Variants in SLMAP observed in about 807,000 individuals in gnomAD.
The protein encoded by SLMAP is sarcolemma associated protein, also known as sarcolemmal membrane-associated protein.
In SLMAP, 44 loss-of-function variants were observed where a neutral mutation model predicts 128.8. The observed-to-expected ratio is 0.34, with a 90% CI of 0.27 to 0.44. The LOEUF (loss-of-function observed/expected upper bound fraction) is 0.44, where lower values mean the gene tolerates loss of function less well. Among genes scored for constraint, SLMAP ranks in the 20% least tolerant of loss-of-function variants. The pLI is 1.00. For synonymous variants in SLMAP, 327 were observed against 348.8 expected (o/e 0.94, Z 0.70); for missense variants, 787 against 985.3 (o/e 0.80, Z 2.69).
intron 14 of SLMAP, among the ~76,000 whole-genome samples, chr3:57,874,059 G>T (rs540132557): frequency 6.6e-6 from 1 of 152,174 alleles, no homozygotes; most frequent in African/African-American, 2.4e-5. Context: ...GGAGACGGAG[G>T]TTGCAGCGAG....
At chr3:57,875,269 A>G (rs2095577134) in intron 14 of SLMAP, among the ~76,000 whole-genome samples, 1 of 152,170 alleles carries the variant, frequency 6.6e-6, no homozygotes, top group African/African-American at 2.4e-5. Context: ...CATACCTGTA[A>G]TCTCAGCACT....
At chr3:57,801,271 T>A (rs1223947456) in intron 2 of SLMAP, 1 of 152,568 alleles carries the variant, frequency 6.6e-6, no homozygotes, top group African/African-American at 2.4e-5. Flanking sequence ...GGTCCATTTT[T>A]AAATTCCATT....
Position 57,777,827 on chromosome 3 carries a change from C to T in SLMAP, c.198+19978C>T, listed in dbSNP as rs12635669. On this transcript the variant is annotated intron_variant, in intron 2 of 24. Coordinates refer to ENST00000671191, the MANE Select transcript of SLMAP (RefSeq NM_001377540.1). ...AGTGTAAACTTAAACCATGAGATGC[C>T]GTTTCTACTCAATTAAAAACTTGGA... Among the ~76,000 whole-genome samples, 235 of 152,220 alleles carry T rather than the reference C, an allele frequency of 1.5e-3. 3 individuals are homozygous for T. The East Asian group carries it at 0.044, about 28-fold the overall frequency.
At chr3:57,773,106 T>C (rs191557007) in intron 2 of SLMAP, among the ~76,000 whole-genome samples, 28 of 152,332 alleles carry the variant, frequency 1.8e-4, no homozygotes, top group Middle Eastern at 3.4e-3. Flanking sequence ...TCCCACCAAG[T>C]TGGATAATTA....
intron 2 of SLMAP, among the ~76,000 whole-genome samples, chr3:57,797,293 TGACCAACATG>T (rs1182714433): frequency 6.6e-6 from 1 of 151,770 alleles, no homozygotes. Flanking sequence ...GAGACCAGCC[TGACCAACATG>T]GAGAAACCTT....
intron 6 of SLMAP, among the ~76,000 whole-genome samples, chr3:57,852,123 G>C (rs1037865502): frequency 6.6e-6 from 1 of 151,340 alleles, no homozygotes; most frequent in African/African-American, 2.4e-5. Flanking sequence ...TGTTAGCCAG[G>C]ATGGTCTCCA....
chr3:57,874,458 TAAAAC>T (rs2095556444), intron 14 of SLMAP, among the ~76,000 whole-genome samples: 2 of 151,586 alleles, frequency 1.3e-5, no homozygotes, highest in South Asian at 2.1e-4. Context: ...CTGGCTTACT[TAAAAC>T]AAAACAACTT....
chr3:57,788,859 TAGGGAGTGTGAC>T (rs68116288), intron 2 of SLMAP, among the ~76,000 whole-genome samples: 50,462 of 151,726 alleles, frequency 0.33, 9,064 homozygotes, highest in East Asian at 0.48. Flanking sequence ...GGCAGTGAGT[TAGGGAGTGTGAC>T]AGGGAGTGTG....
chr3:57,844,971 C>G (rs2094172155), intron 4 of SLMAP, among the ~76,000 whole-genome samples: 1 of 152,072 alleles, frequency 6.6e-6, no homozygotes. Flanking sequence ...TTTAGACATT[C>G]TTAAGTTCAT....
chr3:57,891,872 C>T (rs1372452837), intron 15 of SLMAP, among the ~76,000 whole-genome samples: 9 of 151,752 alleles, frequency 5.9e-5, no homozygotes, highest in East Asian at 2.0e-4. Context: ...CCACCATGTC[C>T]GGCCTGGGTT....
intron 22 of SLMAP, 73 bp downstream of exon 22, chr3:57,917,150 A>G (rs1319725948): frequency 6.3e-7 from 1 of 1,599,318 alleles, no homozygotes; most frequent in East Asian, 2.3e-5. Flanking sequence ...TATCCATGCT[A>G]GTTAGAAATA....
chr3:57,786,216 GT>G (rs1490760691), intron 2 of SLMAP, among the ~76,000 whole-genome samples: 6 of 152,214 alleles, frequency 3.9e-5, no homozygotes, highest in Non-Finnish European at 8.8e-5. Context: ...TCTTGCTCAT[GT>G]TACATGTTTA....
In SLMAP at chr3:57,881,181, G is replaced by A. The variant is rs182046110; in HGVS notation, c.1301-8860G>A. 6.2e-3 allele frequency among the ~76,000 whole-genome samples: 948 copies of A among 151,822 alleles called. 3 individuals are homozygous for A. The highest frequency in any genetic ancestry group is 0.01 in the Middle Eastern group (3 of 294). ...TGTACTCCAGCCTGGATGACAGAGC[G>A]AGACTCCATCTCAAAAAAAAAAAGT... On this transcript the variant is annotated intron_variant, in intron 14 of 24. Transcript: ENST00000671191.
At chr3:57,906,316 T>TTTTTTTTTTTTG (rs1559512956) in intron 17 of SLMAP, among the ~76,000 whole-genome samples, 21 of 103,198 alleles carry the variant, frequency 2.0e-4, no homozygotes, top group African/African-American at 5.9e-4. Flanking sequence ...TTTTCTTTTT[T>TTTTTTTTTTTTG]TTTTTTTTTT....
rs576662385 is a variant in SLMAP, at chr3:57,848,938, A to G, written c.457-816A>G. Among the ~76,000 whole-genome samples, 6 of 151,176 alleles carry G rather than the reference A, an allele frequency of 4.0e-5. No individual in the cohort carries two copies. In the South Asian group the frequency reaches 1.3e-3, roughly 32 times the overall value. The stretch of plus-strand genomic sequence containing the variant: ...CGGTCAGGCTGGTCTTGAACTCCCA[A>G]CGTCAGGTGATCTGGCTGCCTCGGC... On this transcript the variant is annotated intron_variant, in intron 5 of 24. Coordinates refer to ENST00000671191, the MANE Select transcript of SLMAP (RefSeq NM_001377540.1).
intron 14 of SLMAP, among the ~76,000 whole-genome samples, chr3:57,877,241 A>T (rs549328952): frequency 6.6e-6 from 1 of 152,136 alleles, no homozygotes; most frequent in Non-Finnish European, 1.5e-5. Context: ...TGCTTTTCTC[A>T]TTCCCTCCTT....
chr3:57,760,677 C>G (rs1018518797), intron 2 of SLMAP, among the ~76,000 whole-genome samples: 2 of 151,846 alleles, frequency 1.3e-5, no homozygotes, highest in African/African-American at 4.8e-5. Context: ...TGTGATTATG[C>G]CACTGCACTC....
chr3:57,792,486 G>A (rs1269926857), intron 2 of SLMAP, among the ~76,000 whole-genome samples: 1 of 151,826 alleles, frequency 6.6e-6, no homozygotes, highest in African/African-American at 2.4e-5. Context: ...TATTGAATAG[G>A]TTTTAACAGT....
At chr3:57,918,642 T>C (rs953454119) in intron 22 of SLMAP, among the ~76,000 whole-genome samples, 4 of 152,256 alleles carry the variant, frequency 2.6e-5, no homozygotes, top group African/African-American at 9.6e-5. Context: ...AGTTTAGTTA[T>C]AGCTATATAC....
Sources: gnomAD v4.1 joint callset for allele counts (sites outside exome capture counted in the v4.1 genomes callset) on GRCh38, gnomAD v4.1.1 for gene constraint, MANE v1.5 for transcripts, NCBI Gene and HGNC (gene_info 2026-07-23, HGNC 2026-07-21) for gene names.